The following MARCHF1 variants were observed in gnomAD, a reference collection of about 807,000 sequenced individuals.
MARCHF1 encodes the protein E3 ubiquitin-protein ligase MARCHF1.
MARCHF1 carries 40 observed loss-of-function variants against 54.2 expected under a neutral mutation model. The ratio of observed to expected loss-of-function variants is 0.74; its 90% confidence interval spans 0.57 to 0.96. The LOEUF is 0.96. Among genes scored for constraint, MARCHF1 ranks in the 40% least tolerant of loss-of-function variants. The pLI is 0.00. For missense variants in MARCHF1, 586 were observed against 656.5 expected (o/e 0.89, Z 1.17); for synonymous variants, 236 against 236.3 (o/e 1.00, Z 0.01).
chr4:163,577,450 T>C (rs1326070077), intron 8 of MARCHF1, among the ~76,000 whole-genome samples: 1 of 152,112 alleles, frequency 6.6e-6, no homozygotes, highest in Admixed American at 6.6e-5. Context: ...AGAAGTCCAC[T>C]GTTAGCCTAA....
intron 1 of MARCHF1, among the ~76,000 whole-genome samples, chr4:164,199,285 CACTGTCATTGA>C (rs1731370952): frequency 6.6e-6 from 1 of 152,128 alleles, no homozygotes; most frequent in South Asian, 2.1e-4. Flanking sequence ...ATAAACTTTT[CACTGTCATTGA>C]ACTCTATCTT....
At chr4:164,094,386 C>T (rs962700573) in intron 2 of MARCHF1, among the ~76,000 whole-genome samples, 2 of 152,102 alleles carry the variant, frequency 1.3e-5, no homozygotes, top group Admixed American at 6.6e-5. Context: ...TTACATTATG[C>T]CCTCCAGTTC....
chr4:164,093,512 C>T (rs747404898), intron 2 of MARCHF1, among the ~76,000 whole-genome samples: 5 of 152,150 alleles, frequency 3.3e-5, no homozygotes, highest in Non-Finnish European at 7.4e-5. Flanking sequence ...CATTCTCACT[C>T]TTCTGTGCTC....
At chr4:164,214,344 GA>G (rs528020167) in intron 1 of MARCHF1, among the ~76,000 whole-genome samples, 100 of 152,184 alleles carry the variant, frequency 6.6e-4, no homozygotes, top group African/African-American at 2.2e-3. Context: ...TGGTTAACAT[GA>G]AACCATGTTG....
intron 1 of MARCHF1, among the ~76,000 whole-genome samples, chr4:164,213,453 T>G (rs1354991834): frequency 6.6e-6 from 1 of 151,786 alleles, no homozygotes; most frequent in Non-Finnish European, 1.5e-5. Context: ...GCCAGGATGG[T>G]CTCAATCTCC....
chr4:164,333,907 C>A (rs1473148715), intron 1 of MARCHF1, among the ~76,000 whole-genome samples: 2 of 152,176 alleles, frequency 1.3e-5, no homozygotes, highest in Non-Finnish European at 2.9e-5. Context: ...GAAGGTAAAA[C>A]AGTCTTATCT....
At chr4:163,985,343 C>A (rs1360007436) in intron 3 of MARCHF1, among the ~76,000 whole-genome samples, 1 of 152,108 alleles carries the variant, frequency 6.6e-6, no homozygotes, top group Non-Finnish European at 1.5e-5. Flanking sequence ...CCCTTAATAT[C>A]AACTGTATTC....
At chr4:163,622,458 A>C (rs1741724414) in intron 5 of MARCHF1, among the ~76,000 whole-genome samples, 1 of 152,192 alleles carries the variant, frequency 6.6e-6, no homozygotes, top group Non-Finnish European at 1.5e-5. Flanking sequence ...AAAAAATCAA[A>C]CATTTCATTT....
chr4:164,241,757 T>C (rs1376035233), intron 1 of MARCHF1, among the ~76,000 whole-genome samples: 1 of 151,916 alleles, frequency 6.6e-6, no homozygotes, highest in Non-Finnish European at 1.5e-5. Context: ...TGGGCACAGG[T>C]CAGTGGGTGC....
chr4:163,988,634 G>A lies in MARCHF1; in HGVS notation c.-172C>T, dbSNP rs1752914125. The A allele has an allele frequency of 6.6e-6, 1 of 152,210 alleles. No homozygotes were observed. Among genetic ancestry groups the A allele is most frequent in the Non-Finnish European group, 1.5e-5 (1 of 68,076 alleles). 9.4% of individuals were successfully genotyped at this position (152,210 alleles called of 1,614,324 possible). ...GCTGCAGGTGGCCAATCCCTGATTGGATGCCTTATCTCTTCACTCGCCCTG... is the reference window on the plus strand; with the variant it reads ...GCTGCAGGTGGCCAATCCCTGATTGAATGCCTTATCTCTTCACTCGCCCTG... On this transcript the variant is annotated 5_prime_UTR_variant, in exon 3 of 10. Coordinates refer to ENST00000514618, the MANE Select transcript of MARCHF1 (RefSeq NM_001394959.1).
At chr4:163,892,981 A>G (rs1750694137) in intron 3 of MARCHF1, among the ~76,000 whole-genome samples, 1 of 152,058 alleles carries the variant, frequency 6.6e-6, no homozygotes, top group African/African-American at 2.4e-5. Context: ...AGTGGATAGC[A>G]TTATAGCAAA....
At chr4:163,963,935 A>G (rs199748631) in intron 3 of MARCHF1, among the ~76,000 whole-genome samples, 2 of 152,092 alleles carry the variant, frequency 1.3e-5, no homozygotes, top group East Asian at 3.9e-4. Context: ...AAGAGACCTT[A>G]TGCAAGAACT....
chr4:163,981,359 A>G (rs1752759137), intron 3 of MARCHF1, among the ~76,000 whole-genome samples: 1 of 152,184 alleles, frequency 6.6e-6, no homozygotes, highest in Non-Finnish European at 1.5e-5. Context: ...ACAGGCTGAA[A>G]GCCAAAAGTC....
At chr4:163,898,224 A>C (rs1245862916) in intron 3 of MARCHF1, among the ~76,000 whole-genome samples, 4 of 152,268 alleles carry the variant, frequency 2.6e-5, no homozygotes, top group South Asian at 4.1e-4. Context: ...TCTGCACAGC[A>C]AAAGAAATAA....
At chr4:164,103,804 T>G (rs1402675201) in intron 2 of MARCHF1, among the ~76,000 whole-genome samples, 2 of 119,464 alleles carry the variant, frequency 1.7e-5, no homozygotes, top group Non-Finnish European at 3.4e-5. Flanking sequence ...AAAAAACCCT[T>G]CAAAAAATTA....
intron 3 of MARCHF1, among the ~76,000 whole-genome samples, chr4:163,857,869 G>A (rs1749810711): frequency 6.6e-6 from 1 of 151,758 alleles, no homozygotes; most frequent in Non-Finnish European, 1.5e-5. Context: ...GGGAAACAGA[G>A]AAGTAACCCA....
chr4:164,014,273 A>G (rs1000589174), intron 2 of MARCHF1, among the ~76,000 whole-genome samples: 1 of 151,790 alleles, frequency 6.6e-6, no homozygotes, highest in Non-Finnish European at 1.5e-5. Context: ...AGAGGTTTTT[A>G]GTTTTCTCTT....
chr4:163,967,724 A>G (rs571418162), intron 3 of MARCHF1, among the ~76,000 whole-genome samples: 1 of 152,168 alleles, frequency 6.6e-6, no homozygotes, highest in East Asian at 1.9e-4. Flanking sequence ...AGAGAGGGGG[A>G]ATTTGTTATA....
At chr4:163,579,929 T>G (rs1049328437) in intron 8 of MARCHF1, among the ~76,000 whole-genome samples, 9 of 152,120 alleles carry the variant, frequency 5.9e-5, no homozygotes, top group Non-Finnish European at 8.8e-5. Flanking sequence ...AATTGAGAAT[T>G]AATTAAAAAG....
Sources: allele counts gnomAD v4.1 joint callset (sites outside exome capture counted in the v4.1 genomes callset), GRCh38; gene constraint gnomAD v4.1.1; transcripts MANE v1.5; gene names NCBI Gene and HGNC (gene_info 2026-07-23, HGNC 2026-07-21).